COL22A1: variants seen among roughly 807,000 people sequenced by gnomAD.
COL22A1 encodes the protein collagen type XXII alpha 1 chain.
In COL22A1, 221 loss-of-function variants were observed where a neutral mutation model predicts 248.9. That is an observed-to-expected ratio of 0.89 (90% CI 0.80 to 0.99). The LOEUF (loss-of-function observed/expected upper bound fraction) is 0.99, where lower values mean the gene tolerates loss of function less well. COL22A1 is among the 50% of genes least tolerant of loss of function. The probability of loss-of-function intolerance (pLI) is 0.00; values close to 1 mark genes in which losing one functional copy is unlikely to be tolerated. For synonymous variants in COL22A1, 891 were observed against 793.4 expected, an observed-to-expected ratio of 1.12 and a Z score of -2.07; for missense variants, 2,240 against 2,179.0, an observed-to-expected ratio of 1.03 and a Z score of -0.56.
intron 32 of COL22A1, among the ~76,000 whole-genome samples, chr8:138,698,391 G>A (rs1827685337): frequency 6.6e-6 from 1 of 152,206 alleles, no homozygotes; most frequent in Non-Finnish European, 1.5e-5. Flanking sequence ...CTGAGCTGCA[G>A]GACCGTCACC....
chr8:138,604,776 A>T lies in COL22A1; in HGVS notation c.4105-7T>A. The T allele has an allele frequency of 6.2e-7, 1 of 1,611,198 alleles. No individual in the cohort carries two copies. The stretch of plus-strand genomic sequence containing the variant: ...CTTTCTCTCCTGGTTCTCCCTGGAA[A>T]ACAGAACAGAATATCAGTGGCTCTG... On this transcript the variant is annotated splice_polypyrimidine_tract_variant and splice_region_variant and intron_variant, in intron 58 of 64. Transcript: ENST00000303045.
intron 47 of COL22A1, among the ~76,000 whole-genome samples, chr8:138,643,085 C>A (rs1821862340): frequency 1.3e-5 from 2 of 151,112 alleles, no homozygotes; most frequent in Non-Finnish European, 2.9e-5. Context: ...CAGCAGCCAG[C>A]AAGTTGACAG....
intron 30 of COL22A1, among the ~76,000 whole-genome samples, chr8:138,704,665 A>T (rs1009821349): frequency 1.3e-5 from 2 of 152,094 alleles, no homozygotes; most frequent in African/African-American, 2.4e-5. Context: ...AACCACAAAG[A>T]TGGGGAGAAA....
At chr8:138,859,374 C>T (rs1478814385) in intron 3 of COL22A1, among the ~76,000 whole-genome samples, 1 of 152,220 alleles carries the variant, frequency 6.6e-6, no homozygotes, top group Non-Finnish European at 1.5e-5. Flanking sequence ...GGCCAGGACC[C>T]CTTCACTGGG....
chr8:138,596,967 C>A lies in COL22A1; in HGVS notation c.4369G>T (p.Glu1457Ter). The change falls in exon 62 of 65, where the codon GAG (glutamate) becomes TAG (stop). Residue 1457 changes from glutamate (E) to a stop codon, truncating the protein, a stop_gained. Transcript: ENST00000303045. LOFTEE classifies it high-confidence loss of function. ...CGCAGGGTTTCCATGGATGGAGACT[C>A]CCCCTAGGAGGGAGGGAAGGTGGAG... ...GQPGFPGLRG[E>*]SPSMETLRRL... The A allele has an allele frequency of 1.9e-6, 3 of 1,613,468 alleles. No individual in the cohort carries two copies. The highest frequency in any genetic ancestry group is 2.2e-5 in the East Asian group (1 of 44,880).
chr8:138,894,184 A>G (rs1190936393), intron 1 of COL22A1, among the ~76,000 whole-genome samples: 1 of 152,196 alleles, frequency 6.6e-6, no homozygotes, highest in Non-Finnish European at 1.5e-5. Context: ...TTGTGCAGTG[A>G]CCCAGAGAAA....
At chr8:138,727,278 C>T (rs891140182) in intron 23 of COL22A1, among the ~76,000 whole-genome samples, 24 of 152,106 alleles carry the variant, frequency 1.6e-4, no homozygotes, top group African/African-American at 5.3e-4. Flanking sequence ...CCTCCCACAC[C>T]TCCCTTCTGA....
chr8:138,791,860 G>C (rs997366953), intron 12 of COL22A1, among the ~76,000 whole-genome samples: 6 of 152,110 alleles, frequency 3.9e-5, no homozygotes, highest in Non-Finnish European at 4.4e-5. Flanking sequence ...CTACTGCTGA[G>C]TCAACGAGCC....
At chr8:138,676,125 G>A (rs939162557) in intron 41 of COL22A1, among the ~76,000 whole-genome samples, 4 of 152,010 alleles carry the variant, frequency 2.6e-5, no homozygotes, top group Admixed American at 6.6e-5. Flanking sequence ...TAGAACTAGC[G>A]GTGGCTCACG....
Position 138,755,727 on chromosome 8 carries a change from T to C in COL22A1, c.1947+58A>G, listed in dbSNP as rs141167145. Reference sequence around the variant, plus strand: ...CCTTATTCTTAGAGGTGAAGACTCATCCAACCACCCAATCCCACCAGCACC... The same window carrying C: ...CCTTATTCTTAGAGGTGAAGACTCACCCAACCACCCAATCCCACCAGCACC... On this transcript the variant is annotated intron_variant, in intron 19 of 64. Transcript: ENST00000303045. The C allele has an allele frequency of 1.0e-5, 16 of 1,567,540 alleles. No homozygotes were observed. The East Asian group carries it at 3.6e-4, about 35-fold the overall frequency.
At chr8:138,773,963 T>G (rs1834606724) in intron 16 of COL22A1, among the ~76,000 whole-genome samples, 1 of 152,148 alleles carries the variant, frequency 6.6e-6, no homozygotes. Flanking sequence ...ATAAGACCCC[T>G]GCTCCCTCCA....
At chr8:138,724,772 G>A in intron 24 of COL22A1, 104 bp from the exon 25 acceptor site, 1 of 1,022,506 alleles carries the variant, frequency 9.8e-7, no homozygotes, top group Non-Finnish European at 1.5e-6. Context: ...GGTCTGAGGA[G>A]GGCACCCTGG....
chr8:138,810,269 G>A (rs551781772), intron 9 of COL22A1, among the ~76,000 whole-genome samples: 22 of 152,272 alleles, frequency 1.4e-4, no homozygotes, highest in African/African-American at 4.3e-4. Flanking sequence ...GTCTGGCATC[G>A]CTCCTGGCAC....
chr8:138,865,627 A>T (rs1474820828), intron 3 of COL22A1, among the ~76,000 whole-genome samples: 2 of 120,786 alleles, frequency 1.7e-5, no homozygotes, highest in East Asian at 5.1e-4. Context: ...GTGTGAGTGT[A>T]TGTGTATGTT....
intron 64 of COL22A1, among the ~76,000 whole-genome samples, chr8:138,590,228 A>G (rs1200458644): frequency 6.6e-6 from 1 of 152,204 alleles, no homozygotes; most frequent in Non-Finnish European, 1.5e-5. Context: ...GTCTTATCAG[A>G]AAATATCATA....
intron 47 of COL22A1, among the ~76,000 whole-genome samples, chr8:138,640,544 G>A (rs1821590490): frequency 6.6e-6 from 1 of 151,994 alleles, no homozygotes. Flanking sequence ...GCCTCCTCCA[G>A]GTGGCAACTA....
chr8:138,859,247 G>C (rs2131946760), intron 3 of COL22A1, among the ~76,000 whole-genome samples: 1 of 152,344 alleles, frequency 6.6e-6, no homozygotes, highest in East Asian at 1.9e-4. Context: ...ATCAGTGCCG[G>C]TGACAAAGGC....
At chr8:138,619,388 A>G in intron 53 of COL22A1, 67 bp downstream of exon 53, 1 of 1,444,572 alleles carries the variant, frequency 6.9e-7, no homozygotes. Context: ...AGCCCTGCTC[A>G]CAGTGGTGAG....
In COL22A1 at chr8:138,883,223, T is replaced by G. The variant is rs1205265709; in HGVS notation, c.-51A>C. 49 of 1,503,648 alleles carry G rather than the reference T, an allele frequency of 3.3e-5. 1 individual carries two copies. The East Asian group carries it at 1.2e-3, about 35-fold the overall frequency. 93.1% of individuals were successfully genotyped at this position (1,503,648 alleles called of 1,614,324 possible). A position where few individuals can be genotyped will look rare whatever the true frequency, so the allele number is the denominator to read the frequency against. Reference sequence around the variant, plus strand: ...TTCTCTTGGCCAGGAAGAGACGCTGTTAGGGTCTACAGCAGCATGGCCTGT... The same window carrying G: ...TTCTCTTGGCCAGGAAGAGACGCTGGTAGGGTCTACAGCAGCATGGCCTGT... On this transcript the variant is annotated 5_prime_UTR_variant, in exon 2 of 65. Coordinates refer to ENST00000303045, the MANE Select transcript of COL22A1 (RefSeq NM_152888.3).
Sources: gnomAD v4.1 joint callset for allele counts (sites outside exome capture counted in the v4.1 genomes callset) on GRCh38, gnomAD v4.1.1 for gene constraint, MANE v1.5 for transcripts, NCBI Gene and HGNC (gene_info 2026-07-23, HGNC 2026-07-21) for gene names.